GBP2: variants seen among roughly 807,000 people sequenced by gnomAD.
GBP2 encodes guanylate-binding protein 2.
In GBP2, 54 loss-of-function variants were observed where a neutral mutation model predicts 60.8. The ratio of observed to expected loss-of-function variants is 0.89; its 90% CI spans 0.71 to 1.11. The LOEUF (loss-of-function observed/expected upper bound fraction) is 1.11, where lower values mean the gene tolerates loss of function less well. Among genes scored for constraint, GBP2 ranks in the 50% most tolerant of loss-of-function variants. The pLI is 0.00. For missense variants in GBP2, 665 were observed against 703.3 expected (o/e 0.95, Z 0.62); for synonymous variants, 243 against 256.5 (o/e 0.95, Z 0.50).
intron 8 of GBP2, 80 bp downstream of exon 8, chr1:89,112,392 G>T: frequency 8.5e-7 from 1 of 1,181,300 alleles, no homozygotes; most frequent in Non-Finnish European, 1.2e-6. Flanking sequence ...CAGTTGCAGT[G>T]CCATTTACCT....
At chr1:89,121,053 T>C in intron 3 of GBP2, 90 bp downstream of exon 3, 1 of 911,412 alleles carries the variant, frequency 1.1e-6, no homozygotes, top group Non-Finnish European at 1.7e-6. Flanking sequence ...GGAGTAGGAG[T>C]GATTGTGCAA....
At chr1:89,122,734 T>C (rs1414628917) in intron 1 of GBP2, among the ~76,000 whole-genome samples, 1 of 152,220 alleles carries the variant, frequency 6.6e-6, no homozygotes, top group East Asian at 1.9e-4. Context: ...AAAAGTACCA[T>C]TTGAAGAGAC....
intron 4 of GBP2, chr1:89,118,512 AT>A (rs1681328881): frequency 1.3e-5 from 2 of 152,172 alleles, no homozygotes; most frequent in South Asian, 4.1e-4. Flanking sequence ...ATGGGAAGTC[AT>A]TGGTGGGTAT....
intron 6 of GBP2, among the ~76,000 whole-genome samples, chr1:89,114,752 C>A (rs1229746377): frequency 1.3e-5 from 2 of 152,178 alleles, no homozygotes; most frequent in African/African-American, 4.8e-5. Flanking sequence ...ATAGGATAAT[C>A]AACTCATCGA....
In GBP2 at chr1:89,109,763, G is replaced by C; in HGVS notation, c.1573C>G (p.His525Asp). ...MEQKEKSYQE[H>D]VKQLTEKMER... Reference sequence around the variant, plus strand: ...ATCTTCTCAGTCAATTGTTTCACATGTTCCTGATAACTCTTCTCTTTCTGT... The same window carrying C: ...ATCTTCTCAGTCAATTGTTTCACATCTTCCTGATAACTCTTCTCTTTCTGT... The change falls in exon 10 of 11, where the codon CAT becomes GAT. Residue 525 changes from histidine (H) to aspartate (D), a missense_variant. Coordinates refer to ENST00000370466, the MANE Select transcript of GBP2 (RefSeq NM_004120.5). The C allele has an allele frequency of 6.2e-7, 1 of 1,613,884 alleles. No homozygotes were observed. The highest frequency in any genetic ancestry group is 8.5e-7 in the Non-Finnish European group (1 of 1,179,822).
intron 6 of GBP2, among the ~76,000 whole-genome samples, chr1:89,115,313 C>T (rs1421901495): frequency 2.0e-5 from 3 of 152,158 alleles, no homozygotes; most frequent in South Asian, 2.1e-4. Context: ...AACCCAATGC[C>T]CATTTATGGC....
chr1:89,122,513 T>C (rs1440539179), intron 1 of GBP2, among the ~76,000 whole-genome samples: 2 of 152,254 alleles, frequency 1.3e-5, no homozygotes, highest in Non-Finnish European at 2.9e-5. Flanking sequence ...TTGGGTTTTT[T>C]GATGTTTCCT....
Position 89,108,250 on chromosome 1 carries a change from GCT to G in GBP2, c.1699_1700del (p.Ser567GlnfsTer22), listed in dbSNP as rs1407843358. The G allele has an allele frequency of 1.9e-6, 3 of 1,613,252 alleles. No homozygotes were observed. The Admixed American group carries it at 5.0e-5, about 27-fold the overall frequency. On this transcript the variant is annotated frameshift_variant, in exon 11 of 11. Transcript: ENST00000370466. LOFTEE classifies it low-confidence loss of function (END_TRUNC). ...RLLKEGFENESKRLQKDIWDI... is the reference protein window; with the variant it reads ...RLLKEGFENEXKRLQKDIWDI... ...CCCATATGTCTTTTTGAAGTCTCTT[GCT>G]CTCATTCTCGAATCCCTCCTTGAGA...
intron 1 of GBP2, among the ~76,000 whole-genome samples, chr1:89,123,688 G>A (rs752068611): frequency 1.3e-5 from 2 of 152,126 alleles, no homozygotes; most frequent in African/African-American, 4.8e-5. Context: ...ATTCTCTTTG[G>A]TGTAGTTAAA....
At chr1:89,120,085 C>A in intron 4 of GBP2, 94 bp downstream of exon 4, 1 of 833,376 alleles carries the variant, frequency 1.2e-6, no homozygotes, top group Admixed American at 2.0e-5. Flanking sequence ...CTTATGAATT[C>A]TTCAGTACCT....
chr1:89,112,350 A>G, intron 8 of GBP2, 122 bp downstream of exon 8: 2 of 755,452 alleles, frequency 2.6e-6, no homozygotes, highest in Non-Finnish European at 4.5e-6. Context: ...GAATCAGTAA[A>G]TGGAAAAATG....
Position 89,110,252 on chromosome 1 carries a change from C to T in GBP2, c.1377G>A (p.Leu459=). ...CCTCCTTGGACTCCAAATATTTTTT[C>T]AGCACCTCTTTGGCCTGGTTATACA... ...PRKGIQAKEV[L]KKYLESKEDV... The change falls in exon 9 of 11, where the codon CTG becomes CTA. Residue 459 remains leucine, a synonymous_variant. Coordinates refer to ENST00000370466, the MANE Select transcript of GBP2 (RefSeq NM_004120.5). 6.2e-7 allele frequency: 1 copy of T among 1,613,280 alleles called. No homozygotes were observed. The highest frequency in any genetic ancestry group is 2.2e-5 in the East Asian group (1 of 44,846).
At chr1:89,116,883 C>A in intron 6 of GBP2, 109 bp downstream of exon 6, 2 of 1,062,082 alleles carry the variant, frequency 1.9e-6, no homozygotes, top group South Asian at 3.0e-5. Flanking sequence ...TCCTTGCCAT[C>A]AATAGACTAT....
intron 1 of GBP2, among the ~76,000 whole-genome samples, chr1:89,122,799 A>G (rs1359815046): frequency 1.3e-5 from 2 of 152,206 alleles, no homozygotes. Flanking sequence ...TTTTTCAGTC[A>G]CTATTTTTAG....
intron 2 of GBP2, 74 bp from the exon 3 acceptor site, chr1:89,121,344 A>C: frequency 7.5e-7 from 1 of 1,331,630 alleles, no homozygotes; most frequent in Non-Finnish European, 1.0e-6. Flanking sequence ...AAAAGTTAAC[A>C]TAATTGAAGT....
At chr1:89,117,877 C>T (rs12086963) in intron 4 of GBP2, 104 bp from the exon 5 acceptor site, 2 of 837,096 alleles carry the variant, frequency 2.4e-6, no homozygotes, top group African/African-American at 1.7e-5. Flanking sequence ...TTAGCTCATT[C>T]ATTCATTCAC....
At chr1:89,118,944 T>A (rs1681338435) in intron 4 of GBP2, 1 of 152,198 alleles carries the variant, frequency 6.6e-6, no homozygotes, top group Non-Finnish European at 1.5e-5. Flanking sequence ...TGAATGGAGA[T>A]GTTGCACCAG....
chr1:89,114,093 T>G lies in GBP2; in HGVS notation c.1072A>C (p.Ser358Arg). Residue 358 changes from serine (S) to arginine (R), a missense_variant, in exon 7 of 11, where the codon AGT becomes CGT. Physicochemically the swap from Ser to Arg is moderately radical, Grantham distance 110 (BLOSUM62 -1). Transcript: ENST00000370466. Reference protein sequence around the residue: ...LQELLDLHRDSEREAIEVFMK... With the variant: ...LQELLDLHRDREREAIEVFMK... The stretch of plus-strand genomic sequence containing the variant: ...AAGACTTCAATGGCCTCTCTCTCAC[T>G]GTCCCTGTGCAGGTCCAGCAGCTCC... 6.2e-7 allele frequency: 1 copy of G among 1,614,234 alleles called. No homozygotes were observed. Among genetic ancestry groups the G allele is most frequent in the South Asian group, 1.1e-5 (1 of 91,082 alleles).
At position 89,112,610 on chromosome 1, in the gene GBP2, T is replaced by C. The variant is rs777289203; in HGVS notation, c.1224A>G (p.Leu408=). Residue 408 remains leucine (L), a synonymous_variant, in exon 8 of 11, where the codon TTA becomes TTG. Coordinates refer to ENST00000370466, the MANE Select transcript of GBP2 (RefSeq NM_004120.5). The part of the protein sequence containing the change: ...SKASSDCCMA[L]LQDIFGPLEE... ...CTAAAGGGCCAAATATATCCTGAAG[T>C]AAAGCCATGCAACAATCTGATGATG... The C allele has an allele frequency of 1.1e-5, 17 of 1,614,068 alleles. No individual in the cohort carries two copies. The highest frequency in any genetic ancestry group is 3.3e-5 in the South Asian group (3 of 91,088).
Sources: gnomAD v4.1 joint callset for allele counts (sites outside exome capture counted in the v4.1 genomes callset) on GRCh38, gnomAD v4.1.1 for gene constraint, MANE v1.5 for transcripts, NCBI Gene and HGNC (gene_info 2026-07-23, HGNC 2026-07-21) for gene names.